EBF2: variants seen among roughly 807,000 people sequenced by gnomAD.
EBF2 encodes the protein EBF transcription factor 2.
EBF2 carries 21 observed loss-of-function variants against 72.8 expected under a neutral mutation model. The observed-to-expected ratio is 0.29, with a 90% CI of 0.20 to 0.42. The LOEUF (loss-of-function observed/expected upper bound fraction) is 0.42, where lower values mean the gene tolerates loss of function less well. Among genes scored for constraint, EBF2 ranks in the 10% least tolerant of loss-of-function variants. The pLI is 1.00. For synonymous variants in EBF2, 299 were observed against 274.2 expected, an observed-to-expected ratio of 1.09 and a Z score of -0.89; for missense variants, 637 against 731.2, an observed-to-expected ratio of 0.87 and a Z score of 1.49.
rs1486430883 is a variant in EBF2, at chr8:26,041,402, A to T, written c.289-400T>A. ...GGGACTTGTCATTTGGAAAGGCAGC[A>T]TTCGGGCCTATCCCGCGAGGACTGC... On this transcript the variant is annotated intron_variant, in intron 2 of 15. Coordinates refer to ENST00000520164, the MANE Select transcript of EBF2 (RefSeq NM_022659.4). 5 of 236,764 alleles carry T rather than the reference A, an allele frequency of 2.1e-5. No homozygotes were observed. In the South Asian group the frequency reaches 3.3e-4, roughly 16 times the overall value. 14.7% of individuals were successfully genotyped at this position (236,764 alleles called of 1,614,324 possible). A position where few individuals can be genotyped will look rare whatever the true frequency, so the allele number is the denominator to read the frequency against.
intron 7 of EBF2, among the ~76,000 whole-genome samples, chr8:25,892,014 A>C (rs1265884306): frequency 6.6e-6 from 1 of 152,158 alleles, no homozygotes; most frequent in Non-Finnish European, 1.5e-5. Context: ...GAATTGTCAA[A>C]ATATCGCCAT....
chr8:25,862,763 C>G lies in EBF2; in HGVS notation c.1044G>C (p.Gln348His), dbSNP rs779036837. Residue 348 changes from glutamine to histidine, a missense_variant, in exon 11 of 16, where the codon CAG becomes CAC. Physicochemically the swap from Gln to His is conservative, Grantham distance 24. This residue lies in a region of EBF2 where 204 missense variants were observed against 301.2 expected (regional missense o/e 0.68). Coordinates refer to ENST00000520164, the MANE Select transcript of EBF2 (RefSeq NM_022659.4). Reference protein sequence around the residue: ...LNEPTIDYGFQRLQKVIPRHP... With the variant: ...LNEPTIDYGFHRLQKVIPRHP... ...GCCTAGGGATGACCTTCTGCAGTCT[C>G]TGGAAGCCATAGTCTATGGTGGGTT... 1.2e-6 allele frequency: 2 copies of G among 1,606,392 alleles called. No homozygotes were observed. The highest frequency in any genetic ancestry group is 4.5e-5 in the East Asian group (2 of 44,598).
chr8:25,861,402 G>A, intron 11 of EBF2, 28 bp from the exon 12 acceptor site: 1 of 1,612,670 alleles, frequency 6.2e-7, no homozygotes, highest in Non-Finnish European at 8.5e-7. Context: ...ATGGGATATT[G>A]TCAAAGGCAA....
At chr8:25,889,707 T>G in intron 8 of EBF2, 45 bp downstream of exon 8, 20 of 1,444,362 alleles carry the variant, frequency 1.4e-5, no homozygotes, top group Non-Finnish European at 1.8e-5. Flanking sequence ...AGGAAATTCG[T>G]GGAGAATTTC....
At chr8:26,011,958 T>C (rs887621339) in intron 6 of EBF2, among the ~76,000 whole-genome samples, 1 of 152,134 alleles carries the variant, frequency 6.6e-6, no homozygotes, top group African/African-American at 2.4e-5. Flanking sequence ...CACCTCACTG[T>C]GGTAACTTAA....
At chr8:25,973,123 A>G (rs1804216684) in intron 6 of EBF2, among the ~76,000 whole-genome samples, 1 of 152,102 alleles carries the variant, frequency 6.6e-6, no homozygotes, top group Non-Finnish European at 1.5e-5. Context: ...ATGGAACACA[A>G]TTAGGTGACC....
intron 6 of EBF2, among the ~76,000 whole-genome samples, chr8:25,932,227 T>A (rs919900366): frequency 6.6e-6 from 1 of 152,144 alleles, no homozygotes; most frequent in Non-Finnish European, 1.5e-5. Flanking sequence ...TCCTCATTTA[T>A]AAAAATGAGA....
At chr8:25,985,640 A>AT (rs1804437725) in intron 6 of EBF2, among the ~76,000 whole-genome samples, 1 of 152,208 alleles carries the variant, frequency 6.6e-6, no homozygotes, top group Admixed American at 6.5e-5. Flanking sequence ...CTGAAAGATT[A>AT]TTCATGGTCC....
intron 6 of EBF2, among the ~76,000 whole-genome samples, chr8:26,020,980 A>C (rs1040572977): frequency 6.6e-6 from 1 of 152,102 alleles, no homozygotes; most frequent in African/African-American, 2.4e-5. Flanking sequence ...TTCACCTTTA[A>C]CTCTGTGCAA....
Position 26,002,880 on chromosome 8 carries a change from GGGCAGGCGGGCAGGCAGGCGGGCA to G in EBF2, c.551+30181_551+30204del, listed in dbSNP as rs1423409652. ...CGGGCAGGCGGGCAGGCGGGCAGGC[GGGCAGGCGGGCAGGCAGGCGGGCA>G]GGCGGGCAGGCGGGCAGGCGGGCAG... is the stretch of plus-strand genomic sequence containing the variant. On this transcript the variant is annotated intron_variant, in intron 6 of 15. Coordinates refer to ENST00000520164, the MANE Select transcript of EBF2 (RefSeq NM_022659.4). Among the ~76,000 whole-genome samples the G allele has an allele frequency of 4.9e-3, 435 of 87,980 alleles. 5 individuals are homozygous for G. The highest frequency in any genetic ancestry group is 0.013 in the African/African-American group (406 of 30,614). 57.7% of individuals were successfully genotyped at this position (87,980 alleles called of 152,430 possible). A position where few individuals can be genotyped will look rare whatever the true frequency, so the allele number is the denominator to read the frequency against.
chr8:26,040,540 G>A, intron 4 of EBF2, 76 bp downstream of exon 4: 1 of 1,406,632 alleles, frequency 7.1e-7, no homozygotes. Flanking sequence ...AGGAGGGGCA[G>A]GTCAGAAACA....
At chr8:26,021,838 C>A (rs1210556646) in intron 6 of EBF2, among the ~76,000 whole-genome samples, 1 of 152,148 alleles carries the variant, frequency 6.6e-6, no homozygotes, top group African/African-American at 2.4e-5. Context: ...AGTAAGCAAA[C>A]CCGTGCTGAT....
At chr8:25,849,577 AGAG>A (rs1229707056) in intron 15 of EBF2, among the ~76,000 whole-genome samples, 1 of 152,162 alleles carries the variant, frequency 6.6e-6, no homozygotes, top group Non-Finnish European at 1.5e-5. Flanking sequence ...CAAGAACATG[AGAG>A]GAGCAGCCTA....
At chr8:25,864,501 AACACAC>A (rs72239959) in intron 10 of EBF2, among the ~76,000 whole-genome samples, 43,427 of 149,312 alleles carry the variant, frequency 0.29, 6,328 homozygotes, top group South Asian at 0.4. Flanking sequence ...GATACACACA[AACACAC>A]ACACACACAC....
chr8:25,993,214 A>G (rs1157241364), intron 6 of EBF2, among the ~76,000 whole-genome samples: 1 of 152,218 alleles, frequency 6.6e-6, no homozygotes, highest in Non-Finnish European at 1.5e-5. Context: ...CTCTGTCTGC[A>G]CTGTCAACCA....
chr8:26,027,682 A>G (rs1400189513), intron 6 of EBF2, among the ~76,000 whole-genome samples: 1 of 113,376 alleles, frequency 8.8e-6, no homozygotes, highest in African/African-American at 3.3e-5. Context: ...TGTCCACAGC[A>G]ACATTATTTC....
chr8:26,003,642 G>A (rs1804778565), intron 6 of EBF2, among the ~76,000 whole-genome samples: 1 of 152,114 alleles, frequency 6.6e-6, no homozygotes, highest in South Asian at 2.1e-4. Context: ...CACCTGGAAG[G>A]TGTTCAGGTA....
chr8:25,940,153 C>T (rs1803645467), intron 6 of EBF2, among the ~76,000 whole-genome samples: 1 of 152,098 alleles, frequency 6.6e-6, no homozygotes, highest in Non-Finnish European at 1.5e-5. Context: ...CTGGAAGAGA[C>T]CTTAAGGAAA....
At chr8:26,040,818 GC>G (rs1237346310) in intron 3 of EBF2, 120 bp downstream of exon 3, 1 of 1,505,854 alleles carries the variant, frequency 6.6e-7, no homozygotes, top group African/African-American at 1.4e-5. Context: ...CCTGTCCCAG[GC>G]AAGCCTCCCG....
Sources: allele counts gnomAD v4.1 joint callset (sites outside exome capture counted in the v4.1 genomes callset), GRCh38; gene constraint gnomAD v4.1.1; regional missense constraint gnomAD v4.1.1; transcripts MANE v1.5; gene names NCBI Gene and HGNC (gene_info 2026-07-23, HGNC 2026-07-21).